TUBB6: variants seen among roughly 807,000 people sequenced by gnomAD.
TUBB6 encodes tubulin beta-6 chain.
A neutral mutation model predicts 32.3 loss-of-function variants in TUBB6; 18 were observed. That is an observed-to-expected ratio of 0.56 (90% CI 0.39 to 0.83). The LOEUF (loss-of-function observed/expected upper bound fraction) is 0.83, where lower values mean the gene tolerates loss of function less well. TUBB6 is among the 40% of genes least tolerant of loss of function. TUBB6 has a pLI of 0.00. For missense variants in TUBB6, 480 were observed against 632.0 expected (o/e 0.76, Z 2.58); for synonymous variants, 280 against 265.8 (o/e 1.05, Z -0.52).
At chr18:12,316,042 CAG>C (rs1426371734) in intron 3 of TUBB6, among the ~76,000 whole-genome samples, 1 of 152,258 alleles carries the variant, frequency 6.6e-6, no homozygotes, top group African/African-American at 2.4e-5. Context: ...GGCCCCGGCC[CAG>C]TCTGCCCCAG....
intron 3 of TUBB6, among the ~76,000 whole-genome samples, chr18:12,319,998 G>A (rs891041426): frequency 6.6e-5 from 10 of 151,832 alleles, no homozygotes; most frequent in East Asian, 3.9e-4. Context: ...CCATGTTAGC[G>A]AGGATGGTCT....
intron 3 of TUBB6, among the ~76,000 whole-genome samples, chr18:12,320,185 C>T (rs535411242): frequency 6.6e-5 from 10 of 152,132 alleles, no homozygotes; most frequent in African/African-American, 2.4e-4. Flanking sequence ...TATGATTGCA[C>T]CACTGCACTC....
At chr18:12,308,863 G>C in intron 2 of TUBB6, 68 bp downstream of exon 2, 10 of 1,074,642 alleles carry the variant, frequency 9.3e-6, no homozygotes, top group Non-Finnish European at 1.4e-5. Context: ...CCGCCTCTTA[G>C]CGCGGCGAGT....
downstream of TUBB6, chr18:12,329,477 G>C: frequency 7.3e-7 from 1 of 1,363,982 alleles, no homozygotes; most frequent in Non-Finnish European, 1.0e-6. Flanking sequence ...AATCAGCGCA[G>C]CATTCCCATT....
In TUBB6 at chr18:12,325,466, A is replaced by G; in HGVS notation, c.677A>G (p.Asn226Ser). ...KLTTPTYGDL[N>S]HLVSATMSGV... ...ACAACGCCCACCTACGGGGACCTCAACCACCTGGTGTCCGCCACCATGAGT... is the reference window on the plus strand; with the variant it reads ...ACAACGCCCACCTACGGGGACCTCAGCCACCTGGTGTCCGCCACCATGAGT... The change falls in exon 4 of 4, where the codon AAC (asparagine) becomes AGC (serine). Residue 226 changes from asparagine to serine, a missense_variant. Coordinates refer to ENST00000317702, the MANE Select transcript of TUBB6 (RefSeq NM_032525.3). The G allele has an allele frequency of 6.2e-7, 1 of 1,614,154 alleles. No individual in the cohort carries two copies.
intron 3 of TUBB6, among the ~76,000 whole-genome samples, chr18:12,320,232 T>C (rs1906914708): frequency 1.4e-5 from 2 of 147,930 alleles, no homozygotes; most frequent in Non-Finnish European, 3.0e-5. Context: ...ATTTCTAAAA[T>C]AATAATAATA....
Position 12,325,213 on chromosome 18 carries a change from G to T in TUBB6, c.424G>T (p.Gly142Cys). The change falls in exon 4 of 4, where the codon GGC (glycine) becomes TGC (cysteine). Residue 142 changes from glycine (G) to cysteine (C), a missense_variant. Gly to Cys is a radical substitution (Grantham distance 159). Coordinates refer to ENST00000317702, the MANE Select transcript of TUBB6 (RefSeq NM_032525.3). ...CCAGCTCACGCACTCGCTGGGCGGCGGCACGGGCTCAGGCATGGGCACGCT... is the reference window on the plus strand; with the variant it reads ...CCAGCTCACGCACTCGCTGGGCGGCTGCACGGGCTCAGGCATGGGCACGCT... Reference protein sequence around the residue: ...GFQLTHSLGGGTGSGMGTLLI... With the variant: ...GFQLTHSLGGCTGSGMGTLLI... The T allele has an allele frequency of 6.2e-7, 1 of 1,614,134 alleles. No homozygotes were observed. The highest frequency in any genetic ancestry group is 8.5e-7 in the Non-Finnish European group (1 of 1,180,012).
At chr18:12,318,096 G>A (rs963761190) in intron 3 of TUBB6, among the ~76,000 whole-genome samples, 2 of 152,036 alleles carry the variant, frequency 1.3e-5, no homozygotes, top group African/African-American at 2.4e-5. Context: ...TTCAGTTGTT[G>A]GTTTCTGCTA....
At chr18:12,313,890 T>A (rs1426826719) in intron 3 of TUBB6, among the ~76,000 whole-genome samples, 1 of 152,184 alleles carries the variant, frequency 6.6e-6, no homozygotes, top group Non-Finnish European at 1.5e-5. Context: ...GTCTGAGAGC[T>A]CCTCTTGCCC....
rs778520800 is a variant in TUBB6 at position 12,325,246 on chromosome 18, A to C, written c.457A>C (p.Ser153Arg). ...TGSGMGTLLI[S>R]KIREEFPDRI... is the part of the protein sequence containing the mutation. ...CTCAGGCATGGGCACGCTGCTCATC[A>C]GCAAGATCCGTGAGGAGTTCCCGGA... Residue 153 changes from serine (S) to arginine (R), a missense_variant, in exon 4 of 4, where the codon AGC becomes CGC. Transcript: ENST00000317702. The C allele has an allele frequency of 6.2e-7, 1 of 1,614,094 alleles. No homozygotes were observed. The highest frequency in any genetic ancestry group is 1.3e-5 in the African/African-American group (1 of 74,946).
chr18:12,327,910 G>C (rs1019478588), downstream of TUBB6, among the ~76,000 whole-genome samples: 4 of 152,248 alleles, frequency 2.6e-5, no homozygotes, highest in Non-Finnish European at 5.9e-5. Context: ...GGTTGGATAA[G>C]GAGTAGAGAG....
intron 3 of TUBB6, among the ~76,000 whole-genome samples, chr18:12,323,392 G>C (rs538867809): frequency 6.6e-6 from 1 of 152,170 alleles, no homozygotes; most frequent in East Asian, 1.9e-4. Context: ...GCTTCTGCTA[G>C]TGAAATAATC....
At chr18:12,308,910 T>C in intron 2 of TUBB6, 115 bp downstream of exon 2, 1 of 700,628 alleles carries the variant, frequency 1.4e-6, no homozygotes, top group Non-Finnish European at 2.6e-6. Flanking sequence ...TGTAGCAGGA[T>C]GCCCGGCCAC....
downstream of TUBB6, chr18:12,329,497 G>C: frequency 6.7e-7 from 1 of 1,498,960 alleles, no homozygotes; most frequent in Non-Finnish European, 9.3e-7. Flanking sequence ...TCTTCTGAAA[G>C]CCACAGCTGA....
downstream of TUBB6, among the ~76,000 whole-genome samples, chr18:12,326,787 C>G (rs752370105): frequency 6.6e-6 from 1 of 152,164 alleles, no homozygotes; most frequent in Non-Finnish European, 1.5e-5. Flanking sequence ...CTCCTCCATC[C>G]GCAGCCACCT....
chr18:12,308,855 G>T, intron 2 of TUBB6, 60 bp downstream of exon 2: 1 of 1,129,736 alleles, frequency 8.9e-7, no homozygotes. Flanking sequence ...CTCCGGCGCC[G>T]CCTCTTAGCG....
chr18:12,308,826 G>C (rs1223330591), intron 2 of TUBB6, 31 bp downstream of exon 2: 5 of 1,436,440 alleles, frequency 3.5e-6, no homozygotes, highest in Non-Finnish European at 4.9e-6. Flanking sequence ...GCCCTGCCCG[G>C]CCGGGACCCG....
In TUBB6 at chr18:12,309,199, C is replaced by T. The variant is rs1024304979; in HGVS notation, c.166+404C>T. Among the ~76,000 whole-genome samples the T allele has an allele frequency of 2.7e-5, 4 of 149,820 alleles. No homozygotes were observed. The South Asian group carries it at 6.6e-4, about 25-fold the overall frequency. Reference sequence around the variant, plus strand: ...ACCACCCCCCGCCCCCCTCCCGCCCCGATCTCTACAACAATTTTAAAATTA... The same window carrying T: ...ACCACCCCCCGCCCCCCTCCCGCCCTGATCTCTACAACAATTTTAAAATTA... On this transcript the variant is annotated intron_variant, in intron 2 of 3. Transcript: ENST00000317702.
intron 3 of TUBB6, among the ~76,000 whole-genome samples, chr18:12,318,240 A>G (rs1246459874): frequency 6.6e-6 from 1 of 151,620 alleles, no homozygotes; most frequent in Non-Finnish European, 1.5e-5. Context: ...TAGTTTTGCC[A>G]GGTGCTGCCT....
Sources: gnomAD v4.1 joint callset for allele counts (sites outside exome capture counted in the v4.1 genomes callset) on GRCh38, gnomAD v4.1.1 for gene constraint, MANE v1.5 for transcripts, NCBI Gene and HGNC (gene_info 2026-07-23, HGNC 2026-07-21) for gene names.